Variants in ADAMTS12 observed in about 807,000 individuals in gnomAD.
ADAMTS12 encodes the protein A disintegrin and metalloproteinase with thrombospondin motifs 12.
In ADAMTS12, 118 loss-of-function variants were observed where a neutral mutation model predicts 167.8. The observed-to-expected ratio is 0.70, with a 90% confidence interval of 0.61 to 0.82. The LOEUF (loss-of-function observed/expected upper bound fraction) is 0.82. Ranked by LOEUF, ADAMTS12 falls within the 40% of genes least tolerant of loss-of-function variation. ADAMTS12 has a pLI of 0.00. For synonymous variants in ADAMTS12, 704 were observed against 716.9 expected (o/e 0.98, Z 0.29); for missense variants, 1,916 against 1,998.8 (o/e 0.96, Z 0.79).
chr5:33,867,259 C>A (rs577421557), intron 2 of ADAMTS12, among the ~76,000 whole-genome samples: 23 of 152,264 alleles, frequency 1.5e-4, no homozygotes, highest in African/African-American at 5.5e-4. Flanking sequence ...TATACATACA[C>A]CATGAAATAC....
intron 2 of ADAMTS12, among the ~76,000 whole-genome samples, chr5:33,865,848 C>T (rs1271093100): frequency 6.6e-6 from 1 of 152,108 alleles, no homozygotes; most frequent in Non-Finnish European, 1.5e-5. Context: ...ATCAAGAACT[C>T]AATCCCTTTA....
At chr5:33,782,161 C>T (rs1199554975) in intron 2 of ADAMTS12, among the ~76,000 whole-genome samples, 1 of 151,780 alleles carries the variant, frequency 6.6e-6, no homozygotes, top group Non-Finnish European at 1.5e-5. Context: ...ATAATGCCAA[C>T]AGTGTATTAA....
chr5:33,601,939 TA>T (rs113003906), intron 16 of ADAMTS12, among the ~76,000 whole-genome samples: 1 of 152,196 alleles, frequency 6.6e-6, no homozygotes, highest in African/African-American at 2.4e-5. Context: ...ATGAAGGAGA[TA>T]TTTTCAAAAT....
At chr5:33,720,260 T>C (rs1348291614) in intron 3 of ADAMTS12, among the ~76,000 whole-genome samples, 1 of 134,026 alleles carries the variant, frequency 7.5e-6, no homozygotes, top group African/African-American at 2.9e-5. Flanking sequence ...ATAGTTTCCA[T>C]TCACCCCTCT....
At chr5:33,782,946 A>G (rs374658378) in intron 2 of ADAMTS12, among the ~76,000 whole-genome samples, 11 of 152,148 alleles carry the variant, frequency 7.2e-5, no homozygotes, top group African/African-American at 2.4e-4. Context: ...GACACAGAAC[A>G]TTTCCCTCAT....
At chr5:33,710,574 A>G (rs763775134) in intron 3 of ADAMTS12, among the ~76,000 whole-genome samples, 1 of 152,224 alleles carries the variant, frequency 6.6e-6, no homozygotes, top group Non-Finnish European at 1.5e-5. Context: ...CAATAATGAC[A>G]TGGCTCCTGG....
chr5:33,728,390 G>C, intron 3 of ADAMTS12, among the ~76,000 whole-genome samples: 1 of 152,214 alleles, frequency 6.6e-6, no homozygotes, highest in East Asian at 1.9e-4. Context: ...ACTGTTGGCT[G>C]TGGGATGAGA....
In ADAMTS12 at chr5:33,862,206, T is replaced by C. The variant is rs745948581; in HGVS notation, c.489+18913A>G. Among the ~76,000 whole-genome samples the C allele has an allele frequency of 7.4e-4, 112 of 151,902 alleles. 1 individual carries two copies. Among genetic ancestry groups the C allele is most frequent in the Middle Eastern group, 3.2e-3 (1 of 316 alleles). Reference sequence around the variant, plus strand: ...AGCAGAATTGAAAAAGATAGAGACATGAAAAACCTTTCAAAAAATCAATGA... The same window carrying C: ...AGCAGAATTGAAAAAGATAGAGACACGAAAAACCTTTCAAAAAATCAATGA... On this transcript the variant is annotated intron_variant, in intron 2 of 23. Transcript: ENST00000504830.
chr5:33,658,233 C>T lies in ADAMTS12; in HGVS notation c.1141G>A (p.Asp381Asn), dbSNP rs1269289032. Reference sequence around the variant, plus strand: ...GTGAAAGCCAGAGGGAGTCCCGAATCTTCATTGATGTTACAACTGCGGTGA... The same window carrying T: ...GTGAAAGCCAGAGGGAGTCCCGAATTTTCATTGATGTTACAACTGCGGTGA... ...QPHRSCNINE[D>N]SGLPLAFTIA... The change falls in exon 7 of 24, where the codon GAT becomes AAT. Residue 381 changes from aspartate (D) to asparagine (N), a missense_variant. Coordinates refer to ENST00000504830, the MANE Select transcript of ADAMTS12 (RefSeq NM_030955.4). The T allele has an allele frequency of 6.2e-7, 1 of 1,613,612 alleles. No individual in the cohort carries two copies. The highest frequency in any genetic ancestry group is 8.5e-7 in the Non-Finnish European group (1 of 1,179,710).
rs931640769 is a variant in ADAMTS12 at position 33,526,198 on chromosome 5, G to A, written c.*990C>T. ...GAACCTCCATTTTCCAACCTGAGAAGAGGTGAGGACAGGTGGCAGCCCTAG... is the reference window on the plus strand; with the variant it reads ...GAACCTCCATTTTCCAACCTGAGAAAAGGTGAGGACAGGTGGCAGCCCTAG... On this transcript the variant is annotated 3_prime_UTR_variant, in exon 24 of 24. Coordinates refer to ENST00000504830, the MANE Select transcript of ADAMTS12 (RefSeq NM_030955.4). 5 of 152,160 alleles carry A rather than the reference G, an allele frequency of 3.3e-5. No homozygotes were observed. The highest frequency in any genetic ancestry group is 5.9e-5 in the Non-Finnish European group (4 of 68,064). 9.4% of individuals were successfully genotyped at this position (152,160 alleles called of 1,614,324 possible). A position where few individuals can be genotyped will look rare whatever the true frequency, so the allele number is the denominator to read the frequency against.
At chr5:33,551,596 C>T (rs1745256241) in intron 20 of ADAMTS12, among the ~76,000 whole-genome samples, 1 of 152,152 alleles carries the variant, frequency 6.6e-6, no homozygotes, top group Non-Finnish European at 1.5e-5. Flanking sequence ...ATTTAAAAGA[C>T]ATAAGCATAA....
At chr5:33,726,710 A>G (rs993773300) in intron 3 of ADAMTS12, among the ~76,000 whole-genome samples, 1 of 151,074 alleles carries the variant, frequency 6.6e-6, no homozygotes, top group Non-Finnish European at 1.5e-5. Flanking sequence ...GCTTACTCCT[A>G]AGTTAACTTT....
At chr5:33,622,333 C>G (rs1390061119) in intron 14 of ADAMTS12, among the ~76,000 whole-genome samples, 1 of 152,032 alleles carries the variant, frequency 6.6e-6, no homozygotes, top group Non-Finnish European at 1.5e-5. Flanking sequence ...ACCTCAGAGG[C>G]CAAGATAGGA....
intron 3 of ADAMTS12, among the ~76,000 whole-genome samples, chr5:33,716,920 A>T (rs1370053805): frequency 6.6e-6 from 1 of 152,170 alleles, no homozygotes; most frequent in African/African-American, 2.4e-5. Flanking sequence ...CTTGTCTAAT[A>T]GGACTAAATC....
intron 13 of ADAMTS12, among the ~76,000 whole-genome samples, chr5:33,626,996 ATGG>A (rs1169771948): frequency 8.1e-6 from 1 of 123,824 alleles, no homozygotes; most frequent in Non-Finnish European, 1.7e-5. Flanking sequence ...TTTGATGGTA[ATGG>A]TGGTGGTGAT....
At position 33,615,925 on chromosome 5, in the gene ADAMTS12, T is replaced by C. The variant is rs770817059; in HGVS notation, c.2291A>G (p.Asn764Ser). ...NGGFIIQWNG[N>S]YKLAGTVFQY... ...AAAGACAGTCCCTGCCAGCTTATAG[T>C]TCCCGTTCCACTGGATAATAAACCC... The change falls in exon 15 of 24, where the codon AAC (asparagine) becomes AGC (serine). Residue 764 changes from asparagine to serine, a missense_variant. Coordinates refer to ENST00000504830, the MANE Select transcript of ADAMTS12 (RefSeq NM_030955.4). The C allele has an allele frequency of 9.9e-6, 16 of 1,614,062 alleles. No homozygotes were observed. The highest frequency in any genetic ancestry group is 2.2e-5 in the South Asian group (2 of 91,078).
intron 2 of ADAMTS12, among the ~76,000 whole-genome samples, chr5:33,763,287 G>C (rs752687766): frequency 6.6e-6 from 1 of 152,102 alleles, no homozygotes; most frequent in Non-Finnish European, 1.5e-5. Context: ...TAATCAGAAG[G>C]GCCCTTATAA....
At chr5:33,592,186 G>A (rs906478668) in intron 17 of ADAMTS12, among the ~76,000 whole-genome samples, 2 of 151,956 alleles carry the variant, frequency 1.3e-5, no homozygotes, top group South Asian at 2.1e-4. Flanking sequence ...CCGAGATTGC[G>A]CCATTGCACT....
chr5:33,832,785 A>G (rs1377079127), intron 2 of ADAMTS12, among the ~76,000 whole-genome samples: 1 of 152,196 alleles, frequency 6.6e-6, no homozygotes, highest in Non-Finnish European at 1.5e-5. Context: ...GCTTCCATTT[A>G]TATCAGTATA....
Sources: allele counts gnomAD v4.1 joint callset (sites outside exome capture counted in the v4.1 genomes callset), GRCh38; gene constraint gnomAD v4.1.1; transcripts MANE v1.5; gene names NCBI Gene and HGNC (gene_info 2026-07-23, HGNC 2026-07-21).